COX7B2: variants seen among roughly 807,000 people sequenced by gnomAD.
COX7B2 encodes the protein cytochrome c oxidase subunit 7B2, also known as cytochrome c oxidase subunit 7B2, mitochondrial.
For synonymous variants in COX7B2, 37 were observed against 32.1 expected, an observed-to-expected ratio of 1.15 and a Z score of -0.51; for missense variants, 109 against 95.9, an observed-to-expected ratio of 1.14 and a Z score of -0.57.
rs1461909212 is a variant in COX7B2 at position 46,844,966 on chromosome 4, G to C, written c.-56C>G. Reference sequence around the variant, plus strand: ...TTCCATATTTTCTCGTTACCTGTTAGAAATCTGAAGCTCAAATGCTCTCCT... The same window carrying C: ...TTCCATATTTTCTCGTTACCTGTTACAAATCTGAAGCTCAAATGCTCTCCT... On this transcript the variant is annotated 5_prime_UTR_variant, in exon 2 of 3. Coordinates refer to ENST00000355591, the MANE Select transcript of COX7B2 (RefSeq NM_130902.3). 6.6e-6 allele frequency: 1 copy of C among 151,880 alleles called. No individual in the cohort carries two copies. The highest frequency in any genetic ancestry group is 2.4e-5 in the African/African-American group (1 of 41,378). The allele number at this position is 151,880 out of a possible 1,614,324, so 9.4% of individuals were successfully genotyped here.
intron 2 of COX7B2, among the ~76,000 whole-genome samples, chr4:46,813,606 G>A (rs867574230): frequency 6.6e-6 from 1 of 152,176 alleles, no homozygotes; most frequent in Non-Finnish European, 1.5e-5. Context: ...CCTAATTCAT[G>A]CTGGGCTTAA....
In COX7B2 at chr4:46,826,224, C is replaced by G. The variant is rs1714680792; in HGVS notation, c.-50+18736G>C. 3.9e-5 allele frequency among the ~76,000 whole-genome samples: 6 copies of G among 152,024 alleles called. No individual in the cohort carries two copies. The South Asian group carries it at 1.2e-3, about 31-fold the overall frequency. On this transcript the variant is annotated intron_variant, in intron 2 of 2. Transcript: ENST00000355591. ...AGTGAGCAAAGAACATGAACAGACA[C>G]TTTTTTAAAGAAGACATATATGCAG... is the stretch of plus-strand genomic sequence containing the variant.
chr4:46,762,688 G>A (rs1236271813), intron 2 of COX7B2, among the ~76,000 whole-genome samples: 2 of 148,098 alleles, frequency 1.4e-5, no homozygotes, highest in African/African-American at 4.9e-5. Context: ...TCTTCTCTCT[G>A]CTTGGCGTAT....
chr4:46,808,506 A>T (rs879863226), intron 2 of COX7B2, among the ~76,000 whole-genome samples: 1 of 151,612 alleles, frequency 6.6e-6, no homozygotes, highest in Non-Finnish European at 1.5e-5. Context: ...AACTTAGATG[A>T]CTTTTCATGT....
chr4:46,757,500 G>A (rs1322983757), intron 2 of COX7B2, among the ~76,000 whole-genome samples: 1 of 152,012 alleles, frequency 6.6e-6, no homozygotes, highest in Non-Finnish European at 1.5e-5. Flanking sequence ...TCACTTCTCT[G>A]CTCTGCTAAC....
intron 2 of COX7B2, among the ~76,000 whole-genome samples, chr4:46,768,909 A>G (rs905479050): frequency 9.9e-5 from 15 of 152,148 alleles, no homozygotes; most frequent in African/African-American, 3.1e-4. Context: ...ACAAAGGATC[A>G]TAAGAGACAA....
At chr4:46,837,430 G>GTATGATTC (rs1715592566) in intron 2 of COX7B2, among the ~76,000 whole-genome samples, 1 of 151,930 alleles carries the variant, frequency 6.6e-6, no homozygotes, top group African/African-American at 2.4e-5. Flanking sequence ...GACAAATAGT[G>GTATGATTC]TATGATTCTA....
chr4:46,741,712 C>G (rs1267839583), intron 2 of COX7B2, among the ~76,000 whole-genome samples: 1 of 151,998 alleles, frequency 6.6e-6, no homozygotes, highest in Non-Finnish European at 1.5e-5. Context: ...CAGCTGCTTA[C>G]CCCCTATAAA....
chr4:46,781,516 A>T (rs1717445231), intron 2 of COX7B2, among the ~76,000 whole-genome samples: 1 of 152,198 alleles, frequency 6.6e-6, no homozygotes, highest in Non-Finnish European at 1.5e-5. Context: ...AGAGGTGACA[A>T]TGTGCTAGCA....
At chr4:46,810,934 T>C (rs902679641) in intron 2 of COX7B2, among the ~76,000 whole-genome samples, 3 of 152,178 alleles carry the variant, frequency 2.0e-5, no homozygotes, top group Admixed American at 2.0e-4. Flanking sequence ...GGCTGATAGA[T>C]TTATTTTTTT....
At chr4:46,779,860 T>C (rs1717350461) in intron 2 of COX7B2, among the ~76,000 whole-genome samples, 1 of 152,000 alleles carries the variant, frequency 6.6e-6, no homozygotes, top group African/African-American at 2.4e-5. Context: ...GGAGGTCAAA[T>C]GGTACAAAGT....
chr4:46,852,183 T>C (rs939073862), intron 1 of COX7B2, among the ~76,000 whole-genome samples: 3 of 152,062 alleles, frequency 2.0e-5, no homozygotes, highest in African/African-American at 7.2e-5. Flanking sequence ...GAATTATTTA[T>C]TGATGTCAGC....
chr4:46,828,464 G>C (rs971638880), intron 2 of COX7B2, among the ~76,000 whole-genome samples: 17 of 152,030 alleles, frequency 1.1e-4, no homozygotes, highest in Admixed American at 7.9e-4. Context: ...TTTTGCTGAC[G>C]GACTTAGAAA....
At chr4:46,749,159 C>T (rs2109424330) in intron 2 of COX7B2, among the ~76,000 whole-genome samples, 1 of 152,166 alleles carries the variant, frequency 6.6e-6, no homozygotes, top group East Asian at 1.9e-4. Flanking sequence ...GATGCTCATC[C>T]CAGTGAACAG....
intron 1 of COX7B2, among the ~76,000 whole-genome samples, chr4:46,874,032 A>T (rs1718168958): frequency 6.6e-6 from 1 of 152,158 alleles, no homozygotes; most frequent in Admixed American, 6.6e-5. Context: ...GGATTAAAAG[A>T]TCATGGACCC....
At chr4:46,763,595 A>G (rs139626287) in intron 2 of COX7B2, among the ~76,000 whole-genome samples, 19 of 152,240 alleles carry the variant, frequency 1.2e-4, no homozygotes, top group African/African-American at 4.1e-4. Flanking sequence ...ACGCTTATTT[A>G]TAACTATCTC....
intron 2 of COX7B2, among the ~76,000 whole-genome samples, chr4:46,802,804 C>T (rs1252907919): frequency 2.6e-5 from 4 of 152,098 alleles, no homozygotes. Flanking sequence ...CTTAAATTAT[C>T]CCCACAACTA....
At chr4:46,901,168 G>A (rs964590303) in intron 1 of COX7B2, among the ~76,000 whole-genome samples, 8 of 152,048 alleles carry the variant, frequency 5.3e-5, no homozygotes, top group Non-Finnish European at 8.8e-5. Flanking sequence ...GATGATCCTC[G>A]TTCATTTTAT....
At position 46,876,931 on chromosome 4, in the gene COX7B2, A is replaced by C. The variant is rs530463720; in HGVS notation, c.-104-31917T>G. 2.0e-5 allele frequency among the ~76,000 whole-genome samples: 3 copies of C among 152,336 alleles called. No individual in the cohort carries two copies. In the East Asian group the frequency reaches 5.8e-4, roughly 29 times the overall value. On this transcript the variant is annotated intron_variant, in intron 1 of 2. Transcript: ENST00000355591. ...GCAACAGCTACTTTTGTATATAAAA[A>C]TTTACCAAACTTTACATAAACAAAT... is the stretch of plus-strand genomic sequence containing the variant.
Sources: allele counts gnomAD v4.1 joint callset (sites outside exome capture counted in the v4.1 genomes callset), GRCh38; gene constraint gnomAD v4.1.1; transcripts MANE v1.5; gene names NCBI Gene and HGNC (gene_info 2026-07-23, HGNC 2026-07-21).